MCTP1: variants seen among roughly 807,000 people sequenced by gnomAD.
MCTP1 encodes multiple C2 and transmembrane domain-containing protein 1.
Under a neutral mutation model 120.6 loss-of-function variants are expected in MCTP1, and 69 were observed. That is an observed-to-expected ratio of 0.57 (90% CI 0.47 to 0.70). MCTP1 has a LOEUF of 0.70. Among genes scored for constraint, MCTP1 ranks in the 30% least tolerant of loss-of-function variants. The pLI is 0.00. For synonymous variants in MCTP1, 529 were observed against 493.1 expected (o/e 1.07, Z -0.96); for missense variants, 1,203 against 1,248.8 (o/e 0.96, Z 0.55).
chr5:94,797,957 G>A (rs555085550), intron 18 of MCTP1, among the ~76,000 whole-genome samples: 1 of 152,184 alleles, frequency 6.6e-6, no homozygotes, highest in Non-Finnish European at 1.5e-5. Context: ...CAACCATTAT[G>A]ATGGTTACTA....
At chr5:94,736,587 T>G (rs1764313205) in intron 19 of MCTP1, among the ~76,000 whole-genome samples, 1 of 152,164 alleles carries the variant, frequency 6.6e-6, no homozygotes, top group Non-Finnish European at 1.5e-5. Context: ...GAACTTAGTG[T>G]AACCAAAATC....
intron 12 of MCTP1, among the ~76,000 whole-genome samples, chr5:94,878,375 C>T (rs1799351454): frequency 6.6e-6 from 1 of 151,868 alleles, no homozygotes; most frequent in Non-Finnish European, 1.5e-5. Context: ...TAACTAGGTC[C>T]CCACTGGGTC....
intron 1 of MCTP1, among the ~76,000 whole-genome samples, chr5:95,181,549 T>G (rs1748600353): frequency 6.6e-6 from 1 of 152,174 alleles, no homozygotes; most frequent in Non-Finnish European, 1.5e-5. Flanking sequence ...TCATAAAAAT[T>G]ATCATACCTC....
intron 11 of MCTP1, among the ~76,000 whole-genome samples, chr5:94,891,006 A>G (rs896331756): frequency 6.6e-6 from 1 of 152,204 alleles, no homozygotes. Flanking sequence ...CATATTAATA[A>G]TGTGAGAATA....
At position 95,195,398 on chromosome 5, in the gene MCTP1, A is replaced by ACT. The variant is rs760578076; in HGVS notation, c.720+88457_720+88458insAG. Among the ~76,000 whole-genome samples the ACT allele has an allele frequency of 8.1e-4, 124 of 152,296 alleles. No individual in the cohort carries two copies. In the Middle Eastern group the frequency reaches 0.017, roughly 21 times the overall value. On this transcript the variant is annotated intron_variant, in intron 1 of 22. Transcript: ENST00000515393. ...AGACGGTGTTTCATGTCTGTTTCTG[A>ACT]GGAGACCAGGGGTACTGTGACAGAC...
chr5:94,733,889 G>A (rs908087153), intron 19 of MCTP1, among the ~76,000 whole-genome samples: 7 of 151,566 alleles, frequency 4.6e-5, no homozygotes, highest in Admixed American at 1.3e-4. Context: ...GCTTGAACCC[G>A]GGAGGCAGAG....
At chr5:95,117,865 G>T (rs1391528228) in intron 1 of MCTP1, among the ~76,000 whole-genome samples, 1 of 152,068 alleles carries the variant, frequency 6.6e-6, no homozygotes, top group Non-Finnish European at 1.5e-5. Context: ...TTTTTGCAGG[G>T]ACATGCATGG....
chr5:95,105,643 T>C (rs1369415305), intron 1 of MCTP1, among the ~76,000 whole-genome samples: 2 of 152,186 alleles, frequency 1.3e-5, no homozygotes, highest in Admixed American at 6.5e-5. Flanking sequence ...GAATGGAACA[T>C]GCAGAGAAGG....
intron 12 of MCTP1, among the ~76,000 whole-genome samples, chr5:94,885,723 G>C (rs1293810191): frequency 6.6e-6 from 1 of 152,042 alleles, no homozygotes; most frequent in Admixed American, 6.6e-5. Flanking sequence ...TGCTTTGATG[G>C]TGTGGAGAGA....
At chr5:95,155,060 A>C (rs1480717663) in intron 1 of MCTP1, among the ~76,000 whole-genome samples, 1 of 152,188 alleles carries the variant, frequency 6.6e-6, no homozygotes, top group Non-Finnish European at 1.5e-5. Flanking sequence ...TGGCATTAAG[A>C]ATATAAATAC....
chr5:95,208,460 T>C (rs1751930439), intron 1 of MCTP1, among the ~76,000 whole-genome samples: 1 of 152,220 alleles, frequency 6.6e-6, no homozygotes, highest in Non-Finnish European at 1.5e-5. Context: ...ACAGCAACAC[T>C]GTACAGAAGT....
At chr5:95,083,864 C>T (rs186182784) in intron 1 of MCTP1, among the ~76,000 whole-genome samples, 7 of 152,040 alleles carry the variant, frequency 4.6e-5, no homozygotes, top group South Asian at 4.1e-4. Flanking sequence ...ACGGTGGAAG[C>T]GTTAAATAAA....
chr5:94,779,516 A>G (rs1367300860), intron 18 of MCTP1, among the ~76,000 whole-genome samples: 1 of 152,180 alleles, frequency 6.6e-6, no homozygotes, highest in Non-Finnish European at 1.5e-5. Context: ...TAAATTGAGA[A>G]CTAGATAACT....
At chr5:94,725,333 G>T (rs182997131) in intron 19 of MCTP1, among the ~76,000 whole-genome samples, 6 of 152,284 alleles carry the variant, frequency 3.9e-5, no homozygotes, top group African/African-American at 1.4e-4. Context: ...GAGAATAGTT[G>T]GTGGGTGGAA....
intron 7 of MCTP1, among the ~76,000 whole-genome samples, chr5:94,922,306 G>T (rs1217392293): frequency 6.6e-6 from 1 of 152,178 alleles, no homozygotes; most frequent in Non-Finnish European, 1.5e-5. Context: ...CTTGGAAGTA[G>T]CAAAGAAGAT....
At chr5:94,761,526 G>A (rs1303778844) in intron 19 of MCTP1, among the ~76,000 whole-genome samples, 1 of 152,188 alleles carries the variant, frequency 6.6e-6, no homozygotes, top group African/African-American at 2.4e-5. Flanking sequence ...AAGGCACCTT[G>A]TTTGTATAAA....
At chr5:94,748,272 C>T (rs550436662) in intron 19 of MCTP1, among the ~76,000 whole-genome samples, 11 of 152,296 alleles carry the variant, frequency 7.2e-5, no homozygotes, top group African/African-American at 2.4e-4. Context: ...ACTAGATAAA[C>T]ACATGCCAGT....
chr5:94,785,277 C>G (rs1468830418), intron 18 of MCTP1, among the ~76,000 whole-genome samples: 1 of 152,034 alleles, frequency 6.6e-6, no homozygotes, highest in African/African-American at 2.4e-5. Context: ...GCACTATGAA[C>G]AGAATTCTAG....
At chr5:95,176,382 A>G (rs979655503) in intron 1 of MCTP1, among the ~76,000 whole-genome samples, 2 of 151,896 alleles carry the variant, frequency 1.3e-5, no homozygotes, top group Non-Finnish European at 2.9e-5. Flanking sequence ...AAAATTAGCC[A>G]GGTGTGATGG....
Sources: gnomAD v4.1 joint callset for allele counts (sites outside exome capture counted in the v4.1 genomes callset) on GRCh38, gnomAD v4.1.1 for gene constraint, MANE v1.5 for transcripts, NCBI Gene and HGNC (gene_info 2026-07-23, HGNC 2026-07-21) for gene names.